Variants in CAMK1D observed in about 807,000 individuals in gnomAD.
The protein encoded by CAMK1D is calcium/calmodulin dependent protein kinase ID.
In CAMK1D, 9 loss-of-function variants were observed where a neutral mutation model predicts 47.7. The ratio of observed to expected loss-of-function variants is 0.19; its 90% CI spans 0.11 to 0.33. The LOEUF is 0.33. Among genes scored for constraint, CAMK1D ranks in the 10% least tolerant of loss-of-function variants. The pLI is 1.00. For synonymous variants in CAMK1D, 184 were observed against 184.9 expected (o/e 0.99, Z 0.04); for missense variants, 291 against 488.7 (o/e 0.60, Z 3.81).
intron 1 of CAMK1D, among the ~76,000 whole-genome samples, chr10:12,474,121 A>T (rs1224839053): frequency 6.6e-6 from 1 of 151,762 alleles, no homozygotes; most frequent in Non-Finnish European, 1.5e-5. Context: ...GAGTCAGAGG[A>T]AGAGGGGAGG....
At chr10:12,427,052 A>G (rs906607047) in intron 1 of CAMK1D, among the ~76,000 whole-genome samples, 1 of 151,958 alleles carries the variant, frequency 6.6e-6, no homozygotes, top group African/African-American at 2.4e-5. Context: ...GTCTCCCTAT[A>G]TTGCCCAGAC....
chr10:12,400,891 C>T (rs1412622929), intron 1 of CAMK1D, among the ~76,000 whole-genome samples: 1 of 149,850 alleles, frequency 6.7e-6, no homozygotes, highest in Non-Finnish European at 1.5e-5. Flanking sequence ...CCGAGGTGGG[C>T]AGATTGCTTG....
chr10:12,504,521 G>C (rs1335125432), intron 1 of CAMK1D, among the ~76,000 whole-genome samples: 1 of 152,118 alleles, frequency 6.6e-6, no homozygotes, highest in African/African-American at 2.4e-5. Flanking sequence ...TTTCCACATC[G>C]GTGAGGGTGA....
At chr10:12,660,262 C>A (rs753699317) in intron 2 of CAMK1D, among the ~76,000 whole-genome samples, 2 of 151,992 alleles carry the variant, frequency 1.3e-5, no homozygotes, top group Non-Finnish European at 2.9e-5. Context: ...TTTGCTTTTT[C>A]TTTCTTTTTC....
intron 6 of CAMK1D, among the ~76,000 whole-genome samples, chr10:12,800,513 C>T (rs1838378591): frequency 6.6e-6 from 1 of 152,168 alleles, no homozygotes; most frequent in Non-Finnish European, 1.5e-5. Context: ...TACATGTGGG[C>T]ACACTCTGAC....
intron 3 of CAMK1D, among the ~76,000 whole-genome samples, chr10:12,752,147 C>A (rs996955703): frequency 2.0e-4 from 30 of 152,054 alleles, no homozygotes; most frequent in African/African-American, 7.2e-4. Flanking sequence ...TCATGCCTGG[C>A]TAACTTTTGT....
intron 5 of CAMK1D, among the ~76,000 whole-genome samples, chr10:12,771,988 T>G (rs1837060859): frequency 6.6e-6 from 1 of 151,710 alleles, no homozygotes; most frequent in African/African-American, 2.4e-5. Flanking sequence ...GGGCTGAGAT[T>G]GCGCCACTGC....
intron 3 of CAMK1D, among the ~76,000 whole-genome samples, chr10:12,751,579 A>C (rs1320945358): frequency 6.6e-6 from 1 of 152,240 alleles, no homozygotes; most frequent in Non-Finnish European, 1.5e-5. Context: ...TGACCCAGCT[A>C]ACTCTGCTAC....
At chr10:12,510,447 G>A (rs1392094842) in intron 1 of CAMK1D, among the ~76,000 whole-genome samples, 2 of 151,964 alleles carry the variant, frequency 1.3e-5, no homozygotes, top group African/African-American at 2.4e-5. Flanking sequence ...GTGTAGCCAC[G>A]TGGGCATTTT....
At chr10:12,744,168 C>G (rs1019526013) in intron 3 of CAMK1D, among the ~76,000 whole-genome samples, 1 of 152,056 alleles carries the variant, frequency 6.6e-6, no homozygotes, top group African/African-American at 2.4e-5. Flanking sequence ...TACTGCGTTT[C>G]TTTTTATGGC....
chr10:12,494,648 T>C (rs1588552689), intron 1 of CAMK1D, among the ~76,000 whole-genome samples: 1 of 152,312 alleles, frequency 6.6e-6, no homozygotes, highest in East Asian at 1.9e-4. Flanking sequence ...CACTGCAACC[T>C]CTGCCTCCTG....
At chr10:12,633,162 T>C (rs1007269982) in intron 2 of CAMK1D, among the ~76,000 whole-genome samples, 2 of 152,230 alleles carry the variant, frequency 1.3e-5, no homozygotes, top group Non-Finnish European at 2.9e-5. Context: ...GGATATTGGT[T>C]TCATCACTGG....
intron 1 of CAMK1D, among the ~76,000 whole-genome samples, chr10:12,513,624 A>G (rs1835103873): frequency 6.6e-6 from 1 of 152,096 alleles, no homozygotes; most frequent in South Asian, 2.1e-4. Context: ...CGTCTCTACA[A>G]AAATCCAAAA....
At chr10:12,551,615 G>A (rs1357347597) in intron 1 of CAMK1D, among the ~76,000 whole-genome samples, 3 of 152,144 alleles carry the variant, frequency 2.0e-5, no homozygotes, top group African/African-American at 7.2e-5. Flanking sequence ...GTGGACACCT[G>A]TAATCCCAGC....
At chr10:12,512,953 C>T (rs1013719113) in intron 1 of CAMK1D, among the ~76,000 whole-genome samples, 1 of 152,080 alleles carries the variant, frequency 6.6e-6, no homozygotes, top group Non-Finnish European at 1.5e-5. Flanking sequence ...TTTCTTTTTC[C>T]GAGCCGAATT....
At chr10:12,597,215 G>A (rs990742190) in intron 2 of CAMK1D, among the ~76,000 whole-genome samples, 3 of 152,164 alleles carry the variant, frequency 2.0e-5, no homozygotes, top group Non-Finnish European at 2.9e-5. Context: ...AAAACTGCAC[G>A]TGGTCTGTAT....
intron 3 of CAMK1D, among the ~76,000 whole-genome samples, chr10:12,738,306 T>A (rs1835270784): frequency 6.6e-6 from 1 of 151,814 alleles, no homozygotes; most frequent in Non-Finnish European, 1.5e-5. Context: ...ATGCAAAGAG[T>A]CACATAGATT....
At chr10:12,388,712 A>G (rs1219390558) in intron 1 of CAMK1D, among the ~76,000 whole-genome samples, 1 of 152,210 alleles carries the variant, frequency 6.6e-6, no homozygotes, top group Non-Finnish European at 1.5e-5. Flanking sequence ...TGCGGGGCTC[A>G]AAGACAGCTC....
chr10:12,812,630 A>G (rs931855728), intron 6 of CAMK1D, among the ~76,000 whole-genome samples: 5 of 152,182 alleles, frequency 3.3e-5, no homozygotes, highest in Middle Eastern at 3.4e-3. Context: ...AAGAAAGAAA[A>G]AAAAAGAACT....
Sources: allele counts gnomAD v4.1 joint callset (sites outside exome capture counted in the v4.1 genomes callset), GRCh38; gene constraint gnomAD v4.1.1; transcripts MANE v1.5; gene names NCBI Gene and HGNC (gene_info 2026-07-23, HGNC 2026-07-21).